The following GOLGA3 variants were observed in gnomAD, a reference collection of about 807,000 sequenced individuals.
The protein encoded by GOLGA3 is golgin subfamily A member 3.
Under a neutral mutation model 169.4 loss-of-function variants are expected in GOLGA3, and 75 were observed. The ratio of observed to expected loss-of-function variants is 0.44; its 90% CI spans 0.37 to 0.54. The LOEUF is 0.54. Ranked by LOEUF, GOLGA3 falls within the 20% of genes least tolerant of loss-of-function variation. GOLGA3 has a pLI of 0.00. For synonymous variants in GOLGA3, 824 were observed against 822.4 expected, an observed-to-expected ratio of 1.00 and a Z score of -0.03; for missense variants, 1,899 against 1,930.0, an observed-to-expected ratio of 0.98 and a Z score of 0.30.
At position 132,786,746 on chromosome 12, in the gene GOLGA3, C is replaced by T. The variant is rs756540283; in HGVS notation, c.2853G>A (p.Glu951=). ...TTTGTTTCTTCAGCGCCTCATTGGC[C>T]TCTGTGACCGCGACCATCTGCTCCT... ...FDKEQMVAVT[E]ANEALKKQIE... is the part of the protein sequence containing the mutation. The change falls in exon 14 of 24, where the codon GAG becomes GAA. Residue 951 remains glutamate (E), a synonymous_variant. Transcript: ENST00000450791. The T allele has an allele frequency of 4.3e-6, 7 of 1,613,484 alleles. No individual in the cohort carries two copies. Among genetic ancestry groups the T allele is most frequent in the Non-Finnish European group, 5.9e-6 (7 of 1,179,800 alleles).
chr12:132,780,377 A>C (rs1282250235), intron 18 of GOLGA3, among the ~76,000 whole-genome samples: 1 of 152,166 alleles, frequency 6.6e-6, no homozygotes, highest in African/African-American at 2.4e-5. Flanking sequence ...GACGTGACCA[A>C]CGTGTCAGTG....
chr12:132,777,945 G>T lies in GOLGA3; in HGVS notation c.3583-140C>A. On this transcript the variant is annotated intron_variant, in intron 18 of 23. Transcript: ENST00000450791. This position sits in a 1 kb window ranked among gnomAD's most constrained non-coding sequence, Gnocchi z 4.7. Reference sequence around the variant, plus strand: ...GTGTGCTTCTCCACAGGCCTGTCAAGTTCCTTGTAAAGATGAAACCACCTG... The same window carrying T: ...GTGTGCTTCTCCACAGGCCTGTCAATTTCCTTGTAAAGATGAAACCACCTG... 1 of 909,264 alleles carries T rather than the reference G, an allele frequency of 1.1e-6. No homozygotes were observed. Among genetic ancestry groups the T allele is most frequent in the Non-Finnish European group, 1.6e-6 (1 of 615,998 alleles). 56.3% of individuals were successfully genotyped at this position (909,264 alleles called of 1,614,324 possible).
intron 11 of GOLGA3, among the ~76,000 whole-genome samples, chr12:132,794,758 CTG>C: frequency 6.6e-6 from 1 of 152,356 alleles, no homozygotes; most frequent in Non-Finnish European, 1.5e-5. Flanking sequence ...TCCCCCAACA[CTG>C]TAAACAGTAA....
At chr12:132,821,381 C>T (rs572301383) in intron 2 of GOLGA3, among the ~76,000 whole-genome samples, 1 of 148,342 alleles carries the variant, frequency 6.7e-6, no homozygotes, top group African/African-American at 2.5e-5. Context: ...CACTCCAGCC[C>T]GGGCACCCAG....
intron 18 of GOLGA3, among the ~76,000 whole-genome samples, chr12:132,778,323 C>A (rs1040039304): frequency 1.3e-5 from 2 of 151,148 alleles, no homozygotes; most frequent in Admixed American, 1.3e-4. Flanking sequence ...GCCTGTAATC[C>A]CAGCACTGTG....
intron 16 of GOLGA3, among the ~76,000 whole-genome samples, chr12:132,783,033 C>G (rs2045693396): frequency 6.6e-6 from 1 of 152,092 alleles, no homozygotes; most frequent in Non-Finnish European, 1.5e-5. Flanking sequence ...CTGTCTCTAC[C>G]AAAACTACAG....
At chr12:132,825,346 T>C (rs1950368475) in intron 1 of GOLGA3, among the ~76,000 whole-genome samples, 1 of 152,200 alleles carries the variant, frequency 6.6e-6, no homozygotes, top group South Asian at 2.1e-4. Context: ...CAGCACGTCA[T>C]GTCTGCCATT....
intron 16 of GOLGA3, 98 bp from the exon 17 acceptor site, chr12:132,782,591 C>G: frequency 1.0e-6 from 1 of 979,160 alleles, no homozygotes. Context: ...ACAGCGAAAA[C>G]TTAGGCCAGG....
rs1949313185 is a variant in GOLGA3, at chr12:132,804,892, T to C, written c.1421A>G (p.Lys474Arg). ...DSLSSEVDTL[K>R]QSCWDLERAM... ...TCGCTCCAGGTCCCAGCACGACTGC[T>C]TCAGGGTGTCCACCTCCGAGCTCAG... The change falls in exon 7 of 24, where the codon AAG becomes AGG. Residue 474 changes from lysine (K) to arginine (R), a missense_variant. Lys to Arg is a conservative substitution (Grantham distance 26). Transcript: ENST00000450791. This position sits in a 1 kb window ranked among gnomAD's most constrained non-coding sequence, Gnocchi z 4.1. The C allele has an allele frequency of 1.2e-6, 2 of 1,613,954 alleles. No individual in the cohort carries two copies. Among genetic ancestry groups the C allele is most frequent in the African/African-American group, 1.3e-5 (1 of 74,942 alleles).
At chr12:132,791,446 C>A (rs1352284708) in intron 11 of GOLGA3, among the ~76,000 whole-genome samples, 153 bp from the exon 12 acceptor site, 1 of 151,908 alleles carries the variant, frequency 6.6e-6, no homozygotes, top group Non-Finnish European at 1.5e-5. Context: ...AGATGTTACA[C>A]TGAGGGCTCC....
chr12:132,796,490 C>G (rs760835526), intron 10 of GOLGA3, 49 bp downstream of exon 10: 11 of 1,568,024 alleles, frequency 7.0e-6, no homozygotes, highest in Non-Finnish European at 2.6e-6. Flanking sequence ...CCTGGCTGCT[C>G]GGGATCACCT....
Position 132,773,089 on chromosome 12 carries a change from G to A in GOLGA3, c.*16C>T. 6.5e-7 allele frequency: 1 copy of A among 1,529,940 alleles called. No homozygotes were observed. The highest frequency in any genetic ancestry group is 8.8e-7 in the Non-Finnish European group (1 of 1,130,338). The allele number at this position is 1,529,940 out of a possible 1,614,324, so 94.8% of individuals were successfully genotyped here. A position where few individuals can be genotyped will look rare whatever the true frequency, so the allele number is the denominator to read the frequency against. ...GCCTTCTGGGGCAGCGGCGCACGGA[G>A]GCGAGTCCACAGCAGTCACTCTCCC... On this transcript the variant is annotated 3_prime_UTR_variant, in exon 24 of 24. Coordinates refer to ENST00000450791, the MANE Select transcript of GOLGA3 (RefSeq NM_001389683.1).
chr12:132,804,826 G>T lies in GOLGA3; in HGVS notation c.1487C>A (p.Ala496Asp). ...DLQNMLEAKN[A>D]SLASSNNDLQ... ...GTCGTTGTTGGACGACGCCAGGCTG[G>T]CATTTTTTGCCTCCAGCATGTTCTG... The change falls in exon 7 of 24, where the codon GCC becomes GAC. Residue 496 changes from alanine (A) to aspartate (D), a missense_variant. By Grantham distance (126) the Ala-to-Asp change is moderately radical (BLOSUM62 -2). Transcript: ENST00000450791. The surrounding 1 kb of genome is among the most constrained non-coding windows in gnomAD (Gnocchi z 4.1). The T allele has an allele frequency of 6.2e-7, 1 of 1,614,190 alleles. No individual in the cohort carries two copies. The highest frequency in any genetic ancestry group is 8.5e-7 in the Non-Finnish European group (1 of 1,180,018).
rs1011790155 is a variant in GOLGA3, at chr12:132,774,336, C to T, written c.4144-16G>A. On this transcript the variant is annotated splice_polypyrimidine_tract_variant and intron_variant, in intron 22 of 23. Transcript: ENST00000450791. ...GCTCCTTTCTCTGTTTTTAAAAGCA[C>T]ATGATCAGCTTTCCCACCGTCCCCT... 9.9e-6 allele frequency: 16 copies of T among 1,609,940 alleles called. No individual in the cohort carries two copies. The highest frequency in any genetic ancestry group is 1.4e-5 in the Non-Finnish European group (16 of 1,179,974).
At chr12:132,815,146 A>G (rs1372211427) in intron 3 of GOLGA3, among the ~76,000 whole-genome samples, 4 of 152,246 alleles carry the variant, frequency 2.6e-5, no homozygotes, top group Admixed American at 2.6e-4. Context: ...ACATTTTATC[A>G]CTGAAAAGAT....
At chr12:132,778,541 G>T (rs956001290) in intron 18 of GOLGA3, among the ~76,000 whole-genome samples, 2 of 148,448 alleles carry the variant, frequency 1.3e-5, no homozygotes, top group Admixed American at 1.3e-4. Flanking sequence ...ACTGCACTCC[G>T]GCCTGGGCGA....
chr12:132,801,786 C>T lies in GOLGA3; in HGVS notation c.1781G>A (p.Gly594Asp), dbSNP rs1566111547. ...LAQEARVRLQ[G>D]EMAHIQVGQM... is the part of the protein sequence containing the mutation. ...CCGTACCTGGATGTGGGCCATCTCA[C>T]CCTGCAGCCTGACGCGGGCCTCCTG... The change falls in exon 8 of 24, where the codon GGT (glycine) becomes GAT (aspartate). Residue 594 changes from glycine to aspartate, a missense_variant. Coordinates refer to ENST00000450791, the MANE Select transcript of GOLGA3 (RefSeq NM_001389683.1). 1.2e-6 allele frequency: 2 copies of T among 1,612,272 alleles called. No homozygotes were observed. Among genetic ancestry groups the T allele is most frequent in the South Asian group, 1.1e-5 (1 of 91,086 alleles).
At chr12:132,799,775 C>T (rs1450038819) in intron 8 of GOLGA3, among the ~76,000 whole-genome samples, 1 of 151,980 alleles carries the variant, frequency 6.6e-6, no homozygotes, top group Non-Finnish European at 1.5e-5. Context: ...GCTCTGTTGC[C>T]CAGGCTGAAG....
Position 132,791,250 on chromosome 12 carries a change from A to T in GOLGA3, c.2513T>A (p.Met838Lys). Residue 838 changes from methionine to lysine, a missense_variant, in exon 12 of 24, where the codon ATG becomes AAG. Coordinates refer to ENST00000450791, the MANE Select transcript of GOLGA3 (RefSeq NM_001389683.1). ...QQETAALKKQ[M>K]QKIKEQFLQQ... ...GAGAAACTGTTCCTTTATTTTTTGCATTTGCTTTTTCAGAGCAGCAGTCTC... is the reference window on the plus strand; with the variant it reads ...GAGAAACTGTTCCTTTATTTTTTGCTTTTGCTTTTTCAGAGCAGCAGTCTC... The T allele has an allele frequency of 6.2e-7, 1 of 1,608,212 alleles. No homozygotes were observed. The highest frequency in any genetic ancestry group is 8.5e-7 in the Non-Finnish European group (1 of 1,175,732).
Sources: gnomAD v4.1 joint callset for allele counts (sites outside exome capture counted in the v4.1 genomes callset) on GRCh38, gnomAD v4.1.1 for gene constraint, Gnocchi (gnomAD v3.1) non-coding constraint, MANE v1.5 for transcripts, NCBI Gene and HGNC (gene_info 2026-07-23, HGNC 2026-07-21) for gene names.